Variants in PKHD1 observed in about 807,000 individuals in gnomAD.
The protein encoded by PKHD1 is fibrocystin.
Under a neutral mutation model 412.0 loss-of-function variants are expected in PKHD1, and 291 were observed. The observed-to-expected ratio is 0.71, with a 90% CI of 0.64 to 0.78. The LOEUF is 0.78. Ranked by LOEUF, PKHD1 falls within the 30% of genes least tolerant of loss-of-function variation. The pLI is 0.00. For missense variants in PKHD1, 4,825 were observed against 4,950.7 expected (o/e 0.97, Z 0.76); for synonymous variants, 1,777 against 1,821.5 (o/e 0.98, Z 0.62).
intron 13 of PKHD1, 142 bp from the exon 14 acceptor site, chr6:52,062,802 A>G: frequency 2.1e-6 from 2 of 949,390 alleles, no homozygotes; most frequent in Non-Finnish European, 3.3e-6. Flanking sequence ...TAGAGTAGTT[A>G]TATGAAAGGT....
At chr6:51,832,677 G>A (rs545776248) in intron 51 of PKHD1, among the ~76,000 whole-genome samples, 23 of 152,120 alleles carry the variant, frequency 1.5e-4, no homozygotes, top group African/African-American at 3.1e-4. Context: ...TGGCATCATC[G>A]GCCTAGAAGC....
intron 28 of PKHD1, among the ~76,000 whole-genome samples, chr6:52,034,562 C>T (rs996051329): frequency 1.3e-5 from 2 of 152,020 alleles, no homozygotes; most frequent in Non-Finnish European, 2.9e-5. Context: ...AAATCACACA[C>T]GTGCACAATG....
intron 60 of PKHD1, among the ~76,000 whole-genome samples, chr6:51,663,777 T>C (rs1773252877): frequency 6.6e-6 from 1 of 152,280 alleles, no homozygotes; most frequent in South Asian, 2.1e-4. Flanking sequence ...TATTGTATCA[T>C]CCTCTAAATT....
At chr6:51,890,677 T>C (rs575639998) in intron 43 of PKHD1, among the ~76,000 whole-genome samples, 2 of 152,168 alleles carry the variant, frequency 1.3e-5, no homozygotes, top group African/African-American at 4.8e-5. Context: ...CCAGAGAATG[T>C]AAAATCCTTC....
At chr6:52,027,550 G>C (rs1446145645) in intron 31 of PKHD1, among the ~76,000 whole-genome samples, 69 of 77,256 alleles carry the variant, frequency 8.9e-4, no homozygotes, top group African/African-American at 2.2e-3. Flanking sequence ...AAAAAAAAAA[G>C]AAGAAGAAGA....
chr6:51,800,161 C>T (rs1762685225), intron 52 of PKHD1, among the ~76,000 whole-genome samples: 1 of 152,164 alleles, frequency 6.6e-6, no homozygotes, highest in Non-Finnish European at 1.5e-5. Flanking sequence ...GGTGGTGCCT[C>T]TTGGTTCCGA....
At chr6:51,934,868 T>A (rs1437734051) in intron 36 of PKHD1, among the ~76,000 whole-genome samples, 1 of 152,168 alleles carries the variant, frequency 6.6e-6, no homozygotes, top group East Asian at 1.9e-4. Context: ...AGTGGAACTG[T>A]CAAGCAAGAC....
In PKHD1 at chr6:51,753,333, C is replaced by A. The variant is rs751540314; in HGVS notation, c.8818G>T (p.Asp2940Tyr). 2.5e-6 allele frequency: 4 copies of A among 1,613,664 alleles called. No homozygotes were observed. The highest frequency in any genetic ancestry group is 1.3e-5 in the African/African-American group (1 of 74,856). The change falls in exon 57 of 67, where the codon GAT (aspartate) becomes TAT (tyrosine). Residue 2940 changes from aspartate to tyrosine, a missense_variant. Coordinates refer to ENST00000371117, the MANE Select transcript of PKHD1 (RefSeq NM_138694.4). The stretch of plus-strand genomic sequence containing the variant: ...GCAGCCAAACGAATGTGTCGGCCAT[C>A]CTCCGTGACATGTACACTTCCTGGG... ...RHIGSVHVTE[D>Y]GRHIRLAAEV... is the part of the protein sequence containing the mutation.
chr6:51,802,351 T>A (rs549988051), intron 52 of PKHD1, among the ~76,000 whole-genome samples: 2 of 151,656 alleles, frequency 1.3e-5, no homozygotes, highest in South Asian at 4.1e-4. Flanking sequence ...TAAACTACAG[T>A]TTGGCTTTAT....
intron 7 of PKHD1, 148 bp from the exon 8 acceptor site, chr6:52,072,337 G>T: frequency 1.5e-6 from 1 of 688,346 alleles, no homozygotes; most frequent in South Asian, 1.6e-5. Context: ...GAAGGCGGAT[G>T]TCAAGTCAAA....
At chr6:51,695,656 T>C (rs1034621024) in intron 60 of PKHD1, among the ~76,000 whole-genome samples, 3 of 152,208 alleles carry the variant, frequency 2.0e-5, no homozygotes, top group African/African-American at 7.2e-5. Flanking sequence ...TCAGAGAAAG[T>C]TATTTTATAG....
At chr6:52,070,963 G>T in intron 9 of PKHD1, 43 bp downstream of exon 9, 1 of 1,215,024 alleles carries the variant, frequency 8.2e-7, no homozygotes, top group Non-Finnish European at 1.2e-6. Flanking sequence ...TACAGAGAAA[G>T]AAATGGATAA....
rs1350082278 is a variant in PKHD1, at chr6:51,666,912, T to A, written c.10157-6943A>T. Among the ~76,000 whole-genome samples, 3 of 152,046 alleles carry A rather than the reference T, an allele frequency of 2.0e-5. No individual in the cohort carries two copies. The East Asian group carries it at 5.8e-4, about 29-fold the overall frequency. The stretch of plus-strand genomic sequence containing the variant: ...TGGCTCCATAGTATTCCATGGTGTA[T>A]ACGTGCCACATTTTCTTAATCCAGT... On this transcript the variant is annotated intron_variant, in intron 60 of 66. Transcript: ENST00000371117.
intron 53 of PKHD1, among the ~76,000 whole-genome samples, chr6:51,782,905 C>T (rs1792258557): frequency 2.0e-5 from 3 of 152,124 alleles, no homozygotes. Context: ...CCTTACAGAA[C>T]TGTCAGTTTG....
chr6:51,961,425 G>A (rs1399294536), intron 35 of PKHD1, among the ~76,000 whole-genome samples: 1 of 152,154 alleles, frequency 6.6e-6, no homozygotes, highest in South Asian at 2.1e-4. Context: ...AGGAAATAAG[G>A]CATAGTGATA....
intron 31 of PKHD1, among the ~76,000 whole-genome samples, chr6:52,027,519 C>A (rs972892353): frequency 9.7e-6 from 1 of 103,524 alleles, no homozygotes; most frequent in Non-Finnish European, 1.8e-5. Flanking sequence ...GCAACAAGAG[C>A]GAAACTCCGT....
At chr6:51,746,572 A>G (rs1785218339) in intron 59 of PKHD1, 149 bp downstream of exon 59, 1 of 634,896 alleles carries the variant, frequency 1.6e-6, no homozygotes, top group Admixed American at 2.7e-5. Context: ...AGGGGTAAAG[A>G]ATTGGTCATT....
At chr6:52,084,127 C>G (rs1243554401) in intron 2 of PKHD1, among the ~76,000 whole-genome samples, 3 of 152,180 alleles carry the variant, frequency 2.0e-5, no homozygotes, top group African/African-American at 7.2e-5. Context: ...AGGAAGCCAG[C>G]AAAAATCATG....
chr6:51,977,238 T>C (rs917569097), intron 35 of PKHD1, among the ~76,000 whole-genome samples: 2 of 152,200 alleles, frequency 1.3e-5, no homozygotes, highest in Non-Finnish European at 2.9e-5. Context: ...CCTCAGTATA[T>C]ATGCTTCCCT....
Sources: allele counts gnomAD v4.1 joint callset (sites outside exome capture counted in the v4.1 genomes callset), GRCh38; gene constraint gnomAD v4.1.1; transcripts MANE v1.5; gene names NCBI Gene and HGNC (gene_info 2026-07-23, HGNC 2026-07-21).